The following STIM2 variants were observed in gnomAD, a reference collection of about 807,000 sequenced individuals.
The protein encoded by STIM2 is stromal interaction molecule 2.
STIM2 carries 31 observed loss-of-function variants against 85.8 expected under a neutral mutation model. That is an observed-to-expected ratio of 0.36 (90% CI 0.27 to 0.49). STIM2 has a LOEUF of 0.49. Among genes scored for constraint, STIM2 ranks in the 20% least tolerant of loss-of-function variants. The pLI, the probability that STIM2 is intolerant of heterozygous loss-of-function variation, is 0.98. For missense variants in STIM2, 841 were observed against 927.6 expected (o/e 0.91, Z 1.21); for synonymous variants, 356 against 331.1 (o/e 1.08, Z -0.82).
At chr4:26,947,662 G>A (rs747258264) in intron 2 of STIM2, among the ~76,000 whole-genome samples, 1 of 152,094 alleles carries the variant, frequency 6.6e-6, no homozygotes, top group Non-Finnish European at 1.5e-5. Context: ...CTTCCTGCTC[G>A]CCAGCCCTAG....
chr4:26,886,447 T>A (rs1270310256), intron 1 of STIM2, among the ~76,000 whole-genome samples: 1 of 152,122 alleles, frequency 6.6e-6, no homozygotes. Context: ...AGGTAGAGAA[T>A]GTTAGGGAAA....
intron 3 of STIM2, among the ~76,000 whole-genome samples, chr4:26,979,189 G>A (rs1437841134): frequency 6.6e-6 from 1 of 152,112 alleles, no homozygotes; most frequent in Non-Finnish European, 1.5e-5. Flanking sequence ...CCCTAGGTGA[G>A]TTTACCTAGA....
At chr4:27,008,698 C>T (rs1467618695) in intron 9 of STIM2, 66 bp from the exon 10 acceptor site, 10 of 1,483,116 alleles carry the variant, frequency 6.7e-6, no homozygotes, top group Non-Finnish European at 9.4e-6. Flanking sequence ...TCATGTATTG[C>T]CTTTTTTCAG....
intron 2 of STIM2, among the ~76,000 whole-genome samples, chr4:26,938,528 A>G (rs1725476884): frequency 1.3e-5 from 2 of 152,204 alleles, no homozygotes; most frequent in South Asian, 2.1e-4. Context: ...AAGTTTTCCT[A>G]TGAACCTATC....
intron 1 of STIM2, among the ~76,000 whole-genome samples, chr4:26,885,651 A>AT (rs1384008028): frequency 1.3e-5 from 2 of 151,122 alleles, no homozygotes; most frequent in Admixed American, 6.6e-5. Flanking sequence ...ATTTCTGACT[A>AT]TTTTTTCAGG....
chr4:26,908,619 G>T (rs896589122), intron 1 of STIM2, among the ~76,000 whole-genome samples: 4 of 152,178 alleles, frequency 2.6e-5, no homozygotes, highest in Non-Finnish European at 5.9e-5. Flanking sequence ...AAGTAGCTGG[G>T]ATTACAGGCA....
chr4:26,970,215 A>G (rs1220868427), intron 3 of STIM2, among the ~76,000 whole-genome samples: 4 of 9,774 alleles, frequency 4.1e-4, no homozygotes, highest in Non-Finnish European at 1.0e-3. Flanking sequence ...ATATATATAT[A>G]TATATATGTA....
intron 3 of STIM2, among the ~76,000 whole-genome samples, chr4:26,958,221 A>G (rs760516470): frequency 8.1e-4 from 123 of 152,218 alleles, no homozygotes; most frequent in Non-Finnish European, 1.5e-3. Context: ...CTCAAGGTGT[A>G]TTATGGACAG....
At chr4:26,914,042 C>T (rs1724442136) in intron 1 of STIM2, among the ~76,000 whole-genome samples, 1 of 152,158 alleles carries the variant, frequency 6.6e-6, no homozygotes, top group Non-Finnish European at 1.5e-5. Flanking sequence ...GTTAACCAAC[C>T]ATGGATATAT....
At chr4:26,982,490 T>C (rs1394746045) in intron 3 of STIM2, among the ~76,000 whole-genome samples, 2 of 152,204 alleles carry the variant, frequency 1.3e-5, no homozygotes, top group Non-Finnish European at 1.5e-5. Flanking sequence ...TTCTGTATCC[T>C]CTTTTAAGGA....
chr4:26,923,712 A>G (rs1724901830), intron 2 of STIM2, among the ~76,000 whole-genome samples: 1 of 35,418 alleles, frequency 2.8e-5, no homozygotes, highest in Non-Finnish European at 5.6e-5. Flanking sequence ...AAATTCTGCA[A>G]TTAAAAGACA....
chr4:26,921,544 C>T (rs1474273096), intron 2 of STIM2, among the ~76,000 whole-genome samples: 2 of 152,182 alleles, frequency 1.3e-5, no homozygotes, highest in Non-Finnish European at 2.9e-5. Context: ...TCCAATAAAA[C>T]TTTATTTGCA....
chr4:27,023,616 G>A lies in STIM2; in HGVS notation c.*620G>A, dbSNP rs74685121. Reference sequence around the variant, plus strand: ...ACTTGATTTCTGGAAATGAAAACCCGCGCTTTTATTATGGGAAGCTTCTTG... The same window carrying A: ...ACTTGATTTCTGGAAATGAAAACCCACGCTTTTATTATGGGAAGCTTCTTG... On this transcript the variant is annotated 3_prime_UTR_variant, in exon 12 of 12. Transcript: ENST00000467087. 0.04 allele frequency: 6,069 copies of A among 152,336 alleles called. 147 individuals carry two copies. The highest frequency in any genetic ancestry group is 0.076 in the South Asian group (367 of 4,816). The allele number at this position is 152,336 out of a possible 1,614,324, so 9.4% of individuals were successfully genotyped here.
At chr4:26,932,964 C>T (rs1025485561) in intron 2 of STIM2, among the ~76,000 whole-genome samples, 1 of 152,112 alleles carries the variant, frequency 6.6e-6, no homozygotes, top group African/African-American at 2.4e-5. Flanking sequence ...TCAATGTGTA[C>T]ATGAGAGACT....
intron 2 of STIM2, among the ~76,000 whole-genome samples, chr4:26,928,219 A>C (rs1725057205): frequency 6.6e-6 from 1 of 152,134 alleles, no homozygotes; most frequent in Non-Finnish European, 1.5e-5. Flanking sequence ...CCTCCCTGTT[A>C]CCTCTTACTT....
At chr4:26,872,997 C>G (rs2109030001) in intron 1 of STIM2, among the ~76,000 whole-genome samples, 1 of 152,268 alleles carries the variant, frequency 6.6e-6, no homozygotes, top group South Asian at 2.1e-4. Flanking sequence ...ATCATTTTGA[C>G]CCAGCATCTT....
At chr4:26,911,867 A>G (rs1380469961) in intron 1 of STIM2, among the ~76,000 whole-genome samples, 1 of 152,202 alleles carries the variant, frequency 6.6e-6, no homozygotes, top group Non-Finnish European at 1.5e-5. Flanking sequence ...AGAAATAGCC[A>G]TTAATCCTGT....
At chr4:27,011,758 G>T (rs895381733) in intron 10 of STIM2, among the ~76,000 whole-genome samples, 1 of 152,064 alleles carries the variant, frequency 6.6e-6, no homozygotes, top group Admixed American at 6.6e-5. Context: ...ATTTCTTCCT[G>T]AGTTGCTTGT....
At chr4:26,862,927 G>A (rs1288327147) in intron 1 of STIM2, among the ~76,000 whole-genome samples, 1 of 152,178 alleles carries the variant, frequency 6.6e-6, no homozygotes, top group Non-Finnish European at 1.5e-5. Flanking sequence ...GGAATATTTA[G>A]GCTTCTAGAA....
Sources: gnomAD v4.1 joint callset for allele counts (sites outside exome capture counted in the v4.1 genomes callset) on GRCh38, gnomAD v4.1.1 for gene constraint, MANE v1.5 for transcripts, NCBI Gene and HGNC (gene_info 2026-07-23, HGNC 2026-07-21) for gene names.